Variants in TLCD4 observed in about 807,000 individuals in gnomAD.
TLCD4 encodes TLC domain-containing protein 4.
TLCD4 carries 7 observed loss-of-function variants against 24.2 expected under a neutral mutation model. The observed-to-expected ratio is 0.29, with a 90% confidence interval of 0.16 to 0.54. TLCD4 has a LOEUF of 0.54. TLCD4 is among the 20% of genes least tolerant of loss of function. TLCD4 has a pLI of 0.95. For missense variants in TLCD4, 259 were observed against 313.9 expected (o/e 0.82, Z 1.32); for synonymous variants, 103 against 106.4 (o/e 0.97, Z 0.20).
At chr1:95,175,710 T>C (rs1327324683) in intron 6 of TLCD4, among the ~76,000 whole-genome samples, 3 of 152,194 alleles carry the variant, frequency 2.0e-5, no homozygotes, top group African/African-American at 7.2e-5. Context: ...TTTCTGTTCT[T>C]CTGATAGTAG....
chr1:95,122,173 A>G (rs752658089), intron 1 of TLCD4, among the ~76,000 whole-genome samples: 12 of 152,166 alleles, frequency 7.9e-5, no homozygotes, highest in Non-Finnish European at 1.8e-4. Context: ...GCCCACCCAC[A>G]TGGTGAAATG....
chr1:95,122,025 G>A (rs1459683687), intron 1 of TLCD4, among the ~76,000 whole-genome samples: 4 of 152,116 alleles, frequency 2.6e-5, no homozygotes, highest in Non-Finnish European at 5.9e-5. Flanking sequence ...ATCAACATCT[G>A]GTTACAACAC....
At chr1:95,154,557 C>T (rs548473401) in intron 5 of TLCD4, among the ~76,000 whole-genome samples, 3 of 152,142 alleles carry the variant, frequency 2.0e-5, no homozygotes, top group African/African-American at 7.2e-5. Flanking sequence ...CTTGATGTCC[C>T]AGACCTCTCT....
intron 5 of TLCD4, among the ~76,000 whole-genome samples, chr1:95,162,694 G>A (rs1002361001): frequency 6.7e-6 from 1 of 149,588 alleles, no homozygotes; most frequent in East Asian, 1.9e-4. Context: ...TAAGGCAGGC[G>A]TGGTGGTGAC....
intron 3 of TLCD4, 123 bp from the exon 4 acceptor site, chr1:95,150,085 G>A (rs932510768): frequency 3.0e-6 from 4 of 1,319,058 alleles, no homozygotes; most frequent in Non-Finnish European, 4.1e-6. Flanking sequence ...ATTTGAAGAT[G>A]ACAGCTTACC....
At chr1:95,170,417 C>A (rs914493508) in intron 5 of TLCD4, among the ~76,000 whole-genome samples, 2 of 151,040 alleles carry the variant, frequency 1.3e-5, no homozygotes, top group Non-Finnish European at 2.9e-5. Flanking sequence ...GCAAGCTCCG[C>A]CTCCCAGGTT....
intron 1 of TLCD4, among the ~76,000 whole-genome samples, chr1:95,143,568 TAGA>T (rs1677264318): frequency 6.6e-6 from 1 of 152,146 alleles, no homozygotes; most frequent in South Asian, 2.1e-4. Flanking sequence ...GAAATATTAT[TAGA>T]AGAATAGTTT....
chr1:95,109,523 T>G, the TLCD4 span, among the ~76,000 whole-genome samples: 58 of 150,712 alleles, frequency 3.8e-4, no homozygotes, highest in African/African-American at 1.3e-3. Context: ...AATCTTGCTC[T>G]GTTGCCCAGG....
upstream of TLCD4, among the ~76,000 whole-genome samples, chr1:95,114,451 A>C (rs937197745): frequency 2.6e-5 from 4 of 152,214 alleles, no homozygotes; most frequent in Admixed American, 2.6e-4. Flanking sequence ...GAAAAAAAAC[A>C]GCTTTTGGTC....
chr1:95,145,841 G>A (rs943672433), intron 2 of TLCD4, among the ~76,000 whole-genome samples: 1 of 152,144 alleles, frequency 6.6e-6, no homozygotes, highest in African/African-American at 2.4e-5. Flanking sequence ...CTATGACACA[G>A]GAAATACCAT....
At chr1:95,113,880 T>C (rs1240993265), upstream of TLCD4, among the ~76,000 whole-genome samples, 1 of 152,032 alleles carries the variant, frequency 6.6e-6, no homozygotes, top group Admixed American at 6.6e-5. Flanking sequence ...AGTTAGAGGC[T>C]GTCATGTGAT....
chr1:95,100,556 C>G, the TLCD4 span, among the ~76,000 whole-genome samples: 2 of 152,088 alleles, frequency 1.3e-5, no homozygotes, highest in Non-Finnish European at 2.9e-5. Context: ...GCCTGGACAA[C>G]AGAGTGAGAC....
At chr1:95,141,732 GA>G (rs1677201629) in intron 1 of TLCD4, among the ~76,000 whole-genome samples, 1 of 150,578 alleles carries the variant, frequency 6.6e-6, no homozygotes, top group Non-Finnish European at 1.5e-5. Flanking sequence ...AGAAGTAAAA[GA>G]GCAGTAAAGT....
At chr1:95,151,250 A>G (rs879567507) in intron 4 of TLCD4, 75 bp from the exon 5 acceptor site, 10 of 1,468,936 alleles carry the variant, frequency 6.8e-6, no homozygotes, top group Non-Finnish European at 9.4e-6. Context: ...TTGGCAGGAG[A>G]AAGAGTTCAA....
intron 5 of TLCD4, among the ~76,000 whole-genome samples, chr1:95,160,414 G>A (rs1368903578): frequency 1.1e-4 from 17 of 152,272 alleles, no homozygotes; most frequent in Admixed American, 5.2e-4. Flanking sequence ...GGGCTGAGAC[G>A]ATGGGGTTTT....
chr1:95,170,390 C>T (rs915634548), intron 5 of TLCD4, among the ~76,000 whole-genome samples: 7 of 140,412 alleles, frequency 5.0e-5, no homozygotes, highest in African/African-American at 1.1e-4. Context: ...AGTGCAGTGG[C>T]GTGATTTCGG....
intron 5 of TLCD4, among the ~76,000 whole-genome samples, chr1:95,156,681 C>G (rs1677642193): frequency 6.6e-6 from 1 of 151,964 alleles, no homozygotes; most frequent in Non-Finnish European, 1.5e-5. Flanking sequence ...GAGGAAGAAA[C>G]AAATCTGACT....
At chr1:95,105,224 G>A in the TLCD4 span, among the ~76,000 whole-genome samples, 1,710 of 152,260 alleles carry the variant, frequency 0.011, 31 homozygotes, top group African/African-American at 0.039. Flanking sequence ...GAATCTTGAA[G>A]GAATGCATTT....
intron 4 of TLCD4, 100 bp downstream of exon 4, chr1:95,150,366 C>T (rs1677461775): frequency 6.9e-7 from 1 of 1,449,740 alleles, no homozygotes; most frequent in African/African-American, 1.4e-5. Context: ...TGAGAGATAG[C>T]ATTTAGGAAG....
Sources: allele counts gnomAD v4.1 joint callset (sites outside exome capture counted in the v4.1 genomes callset), GRCh38; gene constraint gnomAD v4.1.1; transcripts MANE v1.5; gene names NCBI Gene and HGNC (gene_info 2026-07-23, HGNC 2026-07-21).